FGD6: variants seen among roughly 807,000 people sequenced by gnomAD.
FGD6 encodes the protein FYVE, RhoGEF and PH domain-containing protein 6.
A neutral mutation model predicts 149.4 loss-of-function variants in FGD6; 90 were observed. That is an observed-to-expected ratio of 0.60 (90% CI 0.51 to 0.72). FGD6 has a LOEUF of 0.72. Among genes scored for constraint, FGD6 ranks in the 30% least tolerant of loss-of-function variants. FGD6 has a pLI of 0.00. For missense variants in FGD6, 1,437 were observed against 1,684.8 expected (o/e 0.85, Z 2.57); for synonymous variants, 527 against 584.0 (o/e 0.90, Z 1.41).
At chr12:95,148,634 T>C (rs55909508) in intron 5 of FGD6, among the ~76,000 whole-genome samples, 4 of 124,778 alleles carry the variant, frequency 3.2e-5, no homozygotes, top group Admixed American at 9.9e-5. Context: ...ACATAGCATA[T>C]GTTATATTAT....
chr12:95,198,882 G>A (rs553808978), intron 2 of FGD6, among the ~76,000 whole-genome samples: 111 of 152,276 alleles, frequency 7.3e-4, no homozygotes, highest in Non-Finnish European at 1.5e-3. Context: ...TTTTGTTAAC[G>A]TGTATTAGTA....
At chr12:95,193,021 C>A (rs949738994) in intron 2 of FGD6, among the ~76,000 whole-genome samples, 1 of 152,070 alleles carries the variant, frequency 6.6e-6, no homozygotes, top group African/African-American at 2.4e-5. Flanking sequence ...GTGAGGTGTG[C>A]AGACACTGGG....
At position 95,121,297 on chromosome 12, in the gene FGD6, C is replaced by T. The variant is rs1001078134; in HGVS notation, c.3083-7596G>A. Among the ~76,000 whole-genome samples, 11 of 151,190 alleles carry T rather than the reference C, an allele frequency of 7.3e-5. No homozygotes were observed. The South Asian group carries it at 8.4e-4, about 11-fold the overall frequency. On this transcript the variant is annotated intron_variant, in intron 8 of 20. Transcript: ENST00000343958. ...TCTACTGAAAATACAAAAAATTAGC[C>T]GGGCATGGCGGCAGGCACCTGTAAT...
chr12:95,147,498 A>C (rs902725570), intron 5 of FGD6, among the ~76,000 whole-genome samples: 4 of 152,210 alleles, frequency 2.6e-5, no homozygotes, highest in African/African-American at 9.6e-5. Flanking sequence ...TGTCATCTTT[A>C]GAAGATGAAA....
chr12:95,146,064 A>G (rs188980759), intron 5 of FGD6, among the ~76,000 whole-genome samples: 3 of 152,274 alleles, frequency 2.0e-5, no homozygotes, highest in Admixed American at 6.5e-5. Context: ...TCCACTCCCA[A>G]TTTTGGCCTC....
At chr12:95,207,380 C>A (rs751992426) in intron 2 of FGD6, among the ~76,000 whole-genome samples, 12 of 152,052 alleles carry the variant, frequency 7.9e-5, no homozygotes, top group Admixed American at 1.3e-4. Flanking sequence ...TTATTAGTAG[C>A]GTGAGAACGG....
intron 14 of FGD6, among the ~76,000 whole-genome samples, chr12:95,098,104 C>G (rs1161874503): frequency 1.3e-5 from 2 of 152,162 alleles, no homozygotes; most frequent in African/African-American, 4.8e-5. Flanking sequence ...CTTACAGAAA[C>G]TGCCCCTTGA....
intron 2 of FGD6, among the ~76,000 whole-genome samples, chr12:95,182,993 G>T (rs1881328012): frequency 6.6e-6 from 1 of 152,214 alleles, no homozygotes; most frequent in South Asian, 2.1e-4. Flanking sequence ...AAAAGGTGGC[G>T]AGCCTTTTGG....
chr12:95,084,887 A>G (rs1225029637), intron 19 of FGD6, among the ~76,000 whole-genome samples: 1 of 152,194 alleles, frequency 6.6e-6, no homozygotes, highest in Non-Finnish European at 1.5e-5. Context: ...CATCTACTGA[A>G]TTTCACAACA....
intron 2 of FGD6, among the ~76,000 whole-genome samples, chr12:95,177,914 T>TTTATTTATTTATTTAC (rs1881179908): frequency 1.3e-5 from 2 of 150,148 alleles, no homozygotes; most frequent in Admixed American, 1.3e-4. Context: ...CAACAATTTA[T>TTTATTTATTTATTTAC]TTATTTATTT....
chr12:95,122,645 CAAAA>C (rs397687285), intron 8 of FGD6, among the ~76,000 whole-genome samples: 4 of 64,426 alleles, frequency 6.2e-5, no homozygotes, highest in African/African-American at 2.5e-4. Flanking sequence ...GACTCAGTCT[CAAAA>C]AAAAAAAAAA....
At chr12:95,115,933 A>G (rs1565900015) in intron 8 of FGD6, among the ~76,000 whole-genome samples, 1 of 152,234 alleles carries the variant, frequency 6.6e-6, no homozygotes, top group African/African-American at 2.4e-5. Flanking sequence ...GATGTTATGT[A>G]TAAACATATT....
At chr12:95,101,287 C>A (rs1198018206) in intron 14 of FGD6, among the ~76,000 whole-genome samples, 2 of 152,076 alleles carry the variant, frequency 1.3e-5, no homozygotes, top group African/African-American at 4.8e-5. Context: ...GTGGAGGTTG[C>A]AGTGAGCCAA....
chr12:95,155,450 C>T (rs1237806974), intron 3 of FGD6, among the ~76,000 whole-genome samples: 5 of 152,124 alleles, frequency 3.3e-5, no homozygotes. Flanking sequence ...ATCGCTTGAA[C>T]CTGGGAGGTG....
At chr12:95,082,870 G>A (rs1393489515) in intron 20 of FGD6, among the ~76,000 whole-genome samples, 2 of 146,544 alleles carry the variant, frequency 1.4e-5, no homozygotes, top group African/African-American at 5.0e-5. Flanking sequence ...ATGTAGGCTG[G>A]GCATGGTGGC....
intron 2 of FGD6, among the ~76,000 whole-genome samples, chr12:95,181,397 C>A (rs1881278983): frequency 1.3e-5 from 2 of 152,144 alleles, no homozygotes; most frequent in Admixed American, 6.6e-5. Flanking sequence ...TGACAAGAGT[C>A]CAACAGACAC....
In FGD6 at chr12:95,125,824, G is replaced by A. The variant is rs372036623; in HGVS notation, c.3082+8915C>T. 9.2e-6 allele frequency: 9 copies of A among 975,422 alleles called. No individual in the cohort carries two copies. The East Asian group carries it at 1.2e-4, about 13-fold the overall frequency. The allele number at this position is 975,422 out of a possible 1,614,324, so 60.4% of individuals were successfully genotyped here. ...TACGTCGCCTTTGGACCTCATGCTG[G>A]AAAATTCATTGTGATCATAGATGTT... On this transcript the variant is annotated intron_variant, in intron 8 of 20. Coordinates refer to ENST00000343958, the MANE Select transcript of FGD6 (RefSeq NM_018351.4).
At chr12:95,090,272 A>C (rs1184605490) in intron 17 of FGD6, among the ~76,000 whole-genome samples, 3 of 152,152 alleles carry the variant, frequency 2.0e-5, no homozygotes, top group Non-Finnish European at 4.4e-5. Flanking sequence ...TAAATCATCT[A>C]TCTGGAGAAT....
intron 3 of FGD6, among the ~76,000 whole-genome samples, chr12:95,171,604 C>T (rs1013646425): frequency 5.3e-5 from 8 of 152,172 alleles, no homozygotes; most frequent in African/African-American, 1.9e-4. Flanking sequence ...CAAGCTCCGC[C>T]TCCCGGGTTC....
Sources: gnomAD v4.1 joint callset for allele counts (sites outside exome capture counted in the v4.1 genomes callset) on GRCh38, gnomAD v4.1.1 for gene constraint, MANE v1.5 for transcripts, NCBI Gene and HGNC (gene_info 2026-07-23, HGNC 2026-07-21) for gene names.